Variants in TMEM276 observed in about 807,000 individuals in gnomAD.
The protein encoded by TMEM276 is transmembrane protein 276.
the TMEM276 span, chr8:144,466,100 GCGGTGGGGGACTACGCGGAGGGTGGGA>G: frequency 2.6e-5 from 4 of 154,948 alleles, no homozygotes; most frequent in Admixed American, 2.6e-4. Flanking sequence ...CGAAACCGGA[GCGGTGGGGGACTACGCGGAGGGTGGGA>G]GGGATTCCGA....
At chr8:144,464,452 C>G in the TMEM276 span, 1 of 1,612,306 alleles carries the variant, frequency 6.2e-7, no homozygotes, top group South Asian at 1.1e-5. Flanking sequence ...GGAGCGGTCC[C>G]CATTCACCCA....
chr8:144,464,068 G>T, the TMEM276 span: 3 of 1,560,746 alleles, frequency 1.9e-6, no homozygotes, highest in Non-Finnish European at 2.6e-6. Context: ...GCCAGGAGCA[G>T]GCAGGTGGGA....
chr8:144,466,765 C>A, the TMEM276 span: 2 of 1,530,984 alleles, frequency 1.3e-6, no homozygotes, highest in Non-Finnish European at 1.7e-6. Flanking sequence ...CCTAGAGAGC[C>A]CGCAAGCCCC....
the TMEM276 span, chr8:144,465,069 T>C: frequency 1.3e-6 from 2 of 1,527,392 alleles, no homozygotes; most frequent in Non-Finnish European, 1.8e-6. Context: ...TCCTAGACTT[T>C]CCGGATCCCT....
chr8:144,464,916 C>T, the TMEM276 span: 4 of 1,610,270 alleles, frequency 2.5e-6, no homozygotes, highest in Non-Finnish European at 3.4e-6. Flanking sequence ...CCTCAGGCGG[C>T]AGTATGTACG....
the TMEM276 span, chr8:144,465,110 G>A: frequency 2.7e-6 from 4 of 1,462,758 alleles, no homozygotes; most frequent in Non-Finnish European, 3.6e-6. Context: ...TGGAGAAGAA[G>A]AACCTAATTC....
At chr8:144,464,760 G>T in the TMEM276 span, 2 of 1,607,904 alleles carry the variant, frequency 1.2e-6, no homozygotes, top group East Asian at 2.2e-5. Context: ...AGGTCCTTGG[G>T]GTTTGGGAGG....
the TMEM276 span, chr8:144,463,976 G>T: frequency 6.6e-7 from 1 of 1,507,054 alleles, no homozygotes; most frequent in South Asian, 1.3e-5. Flanking sequence ...CCAAAGGACA[G>T]CACCCAGACT....
chr8:144,464,893 G>C, the TMEM276 span: 1 of 1,611,720 alleles, frequency 6.2e-7, no homozygotes, highest in African/African-American at 1.3e-5. Flanking sequence ...CCCCCGGCTT[G>C]GGGGCCATGG....
chr8:144,465,300 G>C, the TMEM276 span: 1 of 1,119,296 alleles, frequency 8.9e-7, no homozygotes, highest in Non-Finnish European at 1.1e-6. Context: ...GGGAACCCGG[G>C]TCCAGGAGGA....
the TMEM276 span, chr8:144,466,349 G>A: frequency 3.7e-6 from 2 of 534,676 alleles, no homozygotes; most frequent in Non-Finnish European, 5.2e-6. Flanking sequence ...CACTGCGGCG[G>A]GCGGGCGCCG....
the TMEM276 span, chr8:144,466,551 C>G: frequency 9.0e-7 from 1 of 1,108,002 alleles, no homozygotes; most frequent in Non-Finnish European, 1.1e-6. Context: ...CCCGTCGTCT[C>G]CCGCCGCCTG....
the TMEM276 span, chr8:144,466,927 A>G: frequency 1.9e-6 from 3 of 1,578,504 alleles, no homozygotes; most frequent in South Asian, 1.1e-5. Flanking sequence ...ACGTGACCCG[A>G]AATGTCTCCC....
the TMEM276 span, chr8:144,464,284 C>T: frequency 1.9e-6 from 3 of 1,613,292 alleles, no homozygotes; most frequent in African/African-American, 1.3e-5. Context: ...CGCCCCCCCC[C>T]ACATCCCATA....
At chr8:144,466,267 C>A in the TMEM276 span, 1 of 208,962 alleles carries the variant, frequency 4.8e-6, no homozygotes, top group Non-Finnish European at 9.3e-6. Context: ...TTCTAGTACC[C>A]CCGTCCCCGC....
At chr8:144,465,371 C>T in the TMEM276 span, 7 of 1,036,762 alleles carry the variant, frequency 6.8e-6, no homozygotes, top group Non-Finnish European at 7.0e-6. Context: ...GCGGTCCCAA[C>T]GCAGCGGCGA....
the TMEM276 span, chr8:144,464,677 A>G: frequency 6.4e-7 from 1 of 1,573,680 alleles, no homozygotes; most frequent in Non-Finnish European, 8.6e-7. Flanking sequence ...TTAAACAGGA[A>G]AGGGTTTGGG....
chr8:144,463,957 C>T, the TMEM276 span: 2 of 1,491,260 alleles, frequency 1.3e-6, 1 homozygote, highest in South Asian at 2.7e-5. Flanking sequence ...GACAAGTCCC[C>T]ACACGTGGCC....
the TMEM276 span, chr8:144,466,803 C>T: frequency 6.5e-6 from 10 of 1,537,128 alleles, no homozygotes; most frequent in African/African-American, 5.5e-5. Flanking sequence ...GACCTGCCCG[C>T]GCCAGAGCTG....
Sources: allele counts gnomAD v4.1 joint callset, GRCh38; gene constraint gnomAD v4.1.1; transcripts MANE v1.5; gene names NCBI Gene and HGNC (gene_info 2026-07-23, HGNC 2026-07-21).